NCOA3: variants seen among roughly 807,000 people sequenced by gnomAD.
The protein encoded by NCOA3 is CBP-interacting protein.
NCOA3 carries 51 observed loss-of-function variants against 158.8 expected under a neutral mutation model. That is an observed-to-expected ratio of 0.32 (90% CI 0.26 to 0.41). The LOEUF is 0.41. Ranked by LOEUF, NCOA3 falls within the 10% of genes least tolerant of loss-of-function variation. NCOA3 has a pLI of 1.00. For synonymous variants in NCOA3, 537 were observed against 592.4 expected (o/e 0.91, Z 1.36); for missense variants, 1,510 against 1,746.6 (o/e 0.86, Z 2.41).
intron 1 of NCOA3, among the ~76,000 whole-genome samples, chr20:47,502,315 G>A (rs1364114037): frequency 1.3e-5 from 2 of 152,170 alleles, no homozygotes; most frequent in Non-Finnish European, 2.9e-5. Context: ...GAGTTTGCGG[G>A]GGGACTGCAG....
At chr20:47,522,143 C>T (rs7268358) in intron 1 of NCOA3, among the ~76,000 whole-genome samples, 1 of 118,390 alleles carries the variant, frequency 8.4e-6, no homozygotes. Flanking sequence ...CTTGCTGTCT[C>T]CTAGGCTGGA....
At chr20:47,640,096 T>G in intron 16 of NCOA3, 45 bp downstream of exon 16, 1 of 1,612,418 alleles carries the variant, frequency 6.2e-7, no homozygotes, top group Non-Finnish European at 8.5e-7. Flanking sequence ...CAGCATTGGG[T>G]AGTTTAGAAA....
intron 6 of NCOA3, 104 bp downstream of exon 6, chr20:47,627,280 G>A (rs1365052160): frequency 9.4e-6 from 9 of 954,190 alleles, no homozygotes; most frequent in Non-Finnish European, 1.4e-5. Context: ...TCAAATGAGG[G>A]TAGAAAGGCA....
chr20:47,631,898 A>G (rs1746054822), intron 8 of NCOA3, among the ~76,000 whole-genome samples: 1 of 152,188 alleles, frequency 6.6e-6, no homozygotes, highest in South Asian at 2.1e-4. Context: ...CTGTTTTTCT[A>G]CACTGCCACA....
intron 1 of NCOA3, among the ~76,000 whole-genome samples, chr20:47,522,097 ATC>A (rs2084345655): frequency 9.6e-6 from 1 of 103,814 alleles, no homozygotes; most frequent in Non-Finnish European, 2.0e-5. Flanking sequence ...CATTGTACAG[ATC>A]TTTTTTTTTT....
intron 1 of NCOA3, among the ~76,000 whole-genome samples, chr20:47,540,919 ATTTAC>A (rs1269356657): frequency 6.6e-6 from 1 of 152,142 alleles, no homozygotes; most frequent in Non-Finnish European, 1.5e-5. Flanking sequence ...TAGTGAGATT[ATTTAC>A]TTTACCTTTA....
At chr20:47,616,225 T>C (rs1432372553) in intron 2 of NCOA3, among the ~76,000 whole-genome samples, 1 of 146,634 alleles carries the variant, frequency 6.8e-6, no homozygotes, top group Admixed American at 7.0e-5. Flanking sequence ...CGGAGTTTCA[T>C]TCTTGTTGCC....
At chr20:47,595,978 A>G (rs1335768284) in intron 2 of NCOA3, among the ~76,000 whole-genome samples, 2 of 152,146 alleles carry the variant, frequency 1.3e-5, no homozygotes, top group African/African-American at 4.8e-5. Context: ...GTGATTTTTT[A>G]CTTTAAACAC....
chr20:47,518,576 C>T (rs2084273416), intron 1 of NCOA3, among the ~76,000 whole-genome samples: 1 of 151,690 alleles, frequency 6.6e-6, no homozygotes, highest in Non-Finnish European at 1.5e-5. Context: ...CAGGCATGCA[C>T]CACTAAGCCT....
intron 1 of NCOA3, among the ~76,000 whole-genome samples, chr20:47,558,078 A>G (rs546531896): frequency 1.6e-3 from 226 of 138,256 alleles, no homozygotes; most frequent in African/African-American, 5.8e-3. Flanking sequence ...TTTTTTTGAG[A>G]TGGAGTCTGT....
At position 47,502,013 on chromosome 20, in the gene NCOA3, G is replaced by A. The variant is rs1008613394; in HGVS notation, c.-105G>A. 2.5e-6 allele frequency: 1 copy of A among 399,290 alleles called. No individual in the cohort carries two copies. The highest frequency in any genetic ancestry group is 4.4e-5 in the Admixed American group (1 of 22,734). The allele number at this position is 399,290 out of a possible 1,614,324, so 24.7% of individuals were successfully genotyped here. ...AAGCTGAGCTGCGAGGAAAATGGCGGCGGGAGGTGAGTGGAGATAAAGGAG... is the reference window on the plus strand; with the variant it reads ...AAGCTGAGCTGCGAGGAAAATGGCGACGGGAGGTGAGTGGAGATAAAGGAG... On this transcript the variant is annotated 5_prime_UTR_variant, in exon 1 of 23. Coordinates refer to ENST00000371998, the MANE Select transcript of NCOA3 (RefSeq NM_181659.3).
intron 19 of NCOA3, 88 bp from the exon 20 acceptor site, chr20:47,650,894 A>T: frequency 7.8e-7 from 1 of 1,274,262 alleles, no homozygotes; most frequent in Non-Finnish European, 1.1e-6. Flanking sequence ...TTTCTGTCTT[A>T]TACCTGGTGT....
intron 1 of NCOA3, among the ~76,000 whole-genome samples, chr20:47,581,284 A>C (rs1037773788): frequency 6.6e-6 from 1 of 152,158 alleles, no homozygotes; most frequent in Non-Finnish European, 1.5e-5. Flanking sequence ...AAAAAATTCG[A>C]GACACTTATG....
In NCOA3 at chr20:47,578,437, C is replaced by T. The variant is rs371804273; in HGVS notation, c.-98-4746C>T. Among the ~76,000 whole-genome samples the T allele has an allele frequency of 7.9e-5, 12 of 152,280 alleles. No homozygotes were observed. In the East Asian group the frequency reaches 9.6e-4, roughly 12 times the overall value. On this transcript the variant is annotated intron_variant, in intron 1 of 22. Transcript: ENST00000371998. ...CTGACCTCAGGTGATCTGCCCACCT[C>T]GGCCTCCCAAAATGCTAGGATTACA...
chr20:47,631,058 A>T (rs1168015550), intron 8 of NCOA3: 1 of 152,252 alleles, frequency 6.6e-6, no homozygotes, highest in Non-Finnish European at 1.5e-5. Flanking sequence ...GAGGATGTCC[A>T]GGTCAAAAAC....
chr20:47,640,171 T>G, intron 16 of NCOA3, 120 bp downstream of exon 16: 1 of 1,363,874 alleles, frequency 7.3e-7, no homozygotes, highest in East Asian at 2.3e-5. Context: ...GGTACTGGGT[T>G]GCCAGCTGGG....
chr20:47,502,096 C>T (rs2083941368), intron 1 of NCOA3, 77 bp downstream of exon 1: 4 of 398,772 alleles, frequency 1.0e-5, no homozygotes, highest in Non-Finnish European at 1.8e-5. Context: ...GGCGAGTTCC[C>T]CAGGCTGCGA....
chr20:47,636,425 A>G lies in NCOA3; in HGVS notation c.2039A>G (p.Glu680Gly). 8 of 1,614,162 alleles carry G rather than the reference A, an allele frequency of 5.0e-6. No homozygotes were observed. Among genetic ancestry groups the G allele is most frequent in the Non-Finnish European group, 6.8e-6 (8 of 1,180,024 alleles). Residue 680 changes from glutamate (E) to glycine (G), a missense_variant, in exon 12 of 23, where the codon GAG becomes GGG. Around this residue, in one of 4 missense-constraint regions of NCOA3, gnomAD observed 1,017 missense variants for 1,098.3 expected, o/e 0.93. Transcript: ENST00000371998. ...AATATGCATGGGTCACTGTTACAAG[A>G]GAAGCACCGGATTTTGCACAAGTTG... Reference protein sequence around the residue: ...TSNMHGSLLQEKHRILHKLLQ... With the variant: ...TSNMHGSLLQGKHRILHKLLQ...
Position 47,546,938 on chromosome 20 carries a change from GC to G in NCOA3, c.-98-36242del, listed in dbSNP as rs573208896. On this transcript the variant is annotated intron_variant, in intron 1 of 22. Coordinates refer to ENST00000371998, the MANE Select transcript of NCOA3 (RefSeq NM_181659.3). Reference sequence around the variant, plus strand: ...CAGGCACATTCTTGCCTTTGGGTATGCCCTTTCTTGGAATGTTTCTGTCATA... The same window carrying G: ...CAGGCACATTCTTGCCTTTGGGTATGCCTTTCTTGGAATGTTTCTGTCATA... Among the ~76,000 whole-genome samples the G allele has an allele frequency of 1.4e-3, 210 of 152,166 alleles. 1 individual carries two copies. Among genetic ancestry groups the G allele is most frequent in the African/African-American group, 4.2e-3 (176 of 41,492 alleles).
Sources: allele counts gnomAD v4.1 joint callset (sites outside exome capture counted in the v4.1 genomes callset), GRCh38; gene constraint gnomAD v4.1.1; regional missense constraint gnomAD v4.1.1; transcripts MANE v1.5; gene names NCBI Gene and HGNC (gene_info 2026-07-23, HGNC 2026-07-21).